FNIP2: variants seen among roughly 807,000 people sequenced by gnomAD.
The protein encoded by FNIP2 is folliculin-interacting protein 2.
In FNIP2, 32 loss-of-function variants were observed where a neutral mutation model predicts 108.7. That is an observed-to-expected ratio of 0.29 (90% CI 0.22 to 0.40). The LOEUF (loss-of-function observed/expected upper bound fraction) is 0.40. Ranked by LOEUF, FNIP2 falls within the 10% of genes least tolerant of loss-of-function variation. The pLI is 1.00. For missense variants in FNIP2, 1,202 were observed against 1,381.6 expected (o/e 0.87, Z 2.06); for synonymous variants, 480 against 496.7 (o/e 0.97, Z 0.45).
intron 7 of FNIP2, among the ~76,000 whole-genome samples, chr4:158,847,634 C>CCTTATG (rs1425994693): frequency 6.6e-6 from 1 of 152,042 alleles, no homozygotes; most frequent in African/African-American, 2.4e-5. Context: ...AGGAGAGGCC[C>CCTTATG]CTTATGCTTG....
intron 7 of FNIP2, among the ~76,000 whole-genome samples, chr4:158,846,828 C>G (rs1420730023): frequency 1.3e-5 from 2 of 152,164 alleles, no homozygotes; most frequent in African/African-American, 2.4e-5. Context: ...AAAATAACTT[C>G]ATAAAAATCA....
chr4:158,811,404 C>T (rs1176314704), intron 1 of FNIP2, among the ~76,000 whole-genome samples: 1 of 152,138 alleles, frequency 6.6e-6, no homozygotes, highest in African/African-American at 2.4e-5. Context: ...ATATGAGAAC[C>T]TAGACTTAAT....
Position 158,868,344 on chromosome 4 carries a change from A to C in FNIP2, c.1708A>C (p.Ile570Leu). ...GEVEESEYVV[I>L]TVRNEPALVP... is the part of the protein sequence containing the mutation. ...GGTGGAGGAGTCTGAGTATGTGGTC[A>C]TTACGGTGAGGAACGAGCCCGCTCT... Residue 570 changes from isoleucine to leucine, a missense_variant, in exon 13 of 17, where the codon ATT becomes CTT. By Grantham distance (5) the Ile-to-Leu change is conservative (BLOSUM62 2). This residue lies in a region of FNIP2 where 878 missense variants were observed against 990.3 expected (regional missense o/e 0.89). Coordinates refer to ENST00000264433, the MANE Select transcript of FNIP2 (RefSeq NM_020840.3). The surrounding 1 kb of genome is among the most constrained non-coding windows in gnomAD (Gnocchi z 4.6). The C allele has an allele frequency of 6.2e-7, 1 of 1,614,040 alleles. No individual in the cohort carries two copies. The highest frequency in any genetic ancestry group is 8.5e-7 in the Non-Finnish European group (1 of 1,179,898).
At chr4:158,881,220 C>T (rs1781574962) in intron 14 of FNIP2, among the ~76,000 whole-genome samples, 1 of 151,516 alleles carries the variant, frequency 6.6e-6, no homozygotes, top group Non-Finnish European at 1.5e-5. Flanking sequence ...TCTCTTTCCA[C>T]GGTCTCCCTC....
At position 158,868,663 on chromosome 4, in the gene FNIP2, A is replaced by G. The variant is rs1188651246; in HGVS notation, c.2027A>G (p.Lys676Arg). The G allele has an allele frequency of 6.2e-7, 1 of 1,614,028 alleles. No individual in the cohort carries two copies. The highest frequency in any genetic ancestry group is 1.7e-5 in the Admixed American group (1 of 60,024). Residue 676 changes from lysine to arginine, a missense_variant, in exon 13 of 17, where the codon AAG (lysine) becomes AGG (arginine). Physicochemically the swap from Lys to Arg is conservative, Grantham distance 26. Transcript: ENST00000264433. The surrounding 1 kb of genome is among the most constrained non-coding windows in gnomAD (Gnocchi z 4.6). ...PSCEVLGAGM[K>R]MDQQAVCELL... is the part of the protein sequence containing the mutation. ...TGTGAAGTTTTGGGGGCAGGAATGA[A>G]GATGGACCAGCAAGCTGTCTGTGAG...
intron 7 of FNIP2, among the ~76,000 whole-genome samples, chr4:158,840,524 T>G (rs1265550300): frequency 6.6e-6 from 1 of 152,130 alleles, no homozygotes; most frequent in Non-Finnish European, 1.5e-5. Context: ...GCCTCCCAAG[T>G]AGCTGAAATC....
In FNIP2 at chr4:158,868,440, C is replaced by T; in HGVS notation, c.1804C>T (p.Pro602Ser). 6.2e-6 allele frequency: 10 copies of T among 1,613,974 alleles called. No homozygotes were observed. Among genetic ancestry groups the T allele is most frequent in the Non-Finnish European group, 8.5e-6 (10 of 1,179,886 alleles). Reference sequence around the variant, plus strand: ...CTGGCCGACAGGGTTTCCTGAGTGCCCAGAGGGCACTGACAGTAGAGACCT... The same window carrying T: ...CTGGCCGACAGGGTTTCCTGAGTGCTCAGAGGGCACTGACAGTAGAGACCT... ...NPWPTGFPEC[P>S]EGTDSRDLGL... The change falls in exon 13 of 17, where the codon CCA becomes TCA. Residue 602 changes from proline to serine, a missense_variant. Physicochemically the swap from Pro to Ser is moderately conservative, Grantham distance 74. Around this residue, in one of 5 missense-constraint regions of FNIP2, gnomAD observed 878 missense variants for 990.3 expected, o/e 0.89. Transcript: ENST00000264433. The surrounding 1 kb of genome is among the most constrained non-coding windows in gnomAD (Gnocchi z 4.6).
At chr4:158,778,395 G>T (rs1775926503) in intron 1 of FNIP2, among the ~76,000 whole-genome samples, 1 of 152,176 alleles carries the variant, frequency 6.6e-6, no homozygotes, top group Non-Finnish European at 1.5e-5. Flanking sequence ...ATTTAAAAAA[G>T]AAGAAAGAAG....
intron 7 of FNIP2, among the ~76,000 whole-genome samples, chr4:158,845,045 T>C (rs1424648107): frequency 2.6e-5 from 4 of 152,204 alleles, no homozygotes; most frequent in African/African-American, 9.7e-5. Context: ...AGTAATCTGG[T>C]GATGGGACTA....
intron 7 of FNIP2, among the ~76,000 whole-genome samples, chr4:158,844,146 G>A (rs1779275129): frequency 6.6e-6 from 1 of 152,152 alleles, no homozygotes; most frequent in Non-Finnish European, 1.5e-5. Context: ...ACTTTTGTTT[G>A]TTCTTCTTCT....
intron 1 of FNIP2, among the ~76,000 whole-genome samples, chr4:158,801,290 T>C (rs1376967807): frequency 3.9e-5 from 6 of 152,238 alleles, no homozygotes; most frequent in Admixed American, 3.3e-4. Context: ...TCCGACAAGA[T>C]ACTTAGTCAC....
At chr4:158,856,017 A>G (rs1356334917) in intron 8 of FNIP2, among the ~76,000 whole-genome samples, 1 of 152,152 alleles carries the variant, frequency 6.6e-6, no homozygotes. Flanking sequence ...CAGTATTCAC[A>G]ATTCTTAACA....
chr4:158,819,560 A>C (rs954359796), intron 1 of FNIP2, among the ~76,000 whole-genome samples: 1 of 152,270 alleles, frequency 6.6e-6, no homozygotes, highest in East Asian at 1.9e-4. Context: ...CTGAGGCTGT[A>C]TAAGTGCAAA....
intron 1 of FNIP2, 25 bp downstream of exon 1, chr4:158,769,344 C>A: frequency 6.9e-7 from 1 of 1,449,650 alleles, no homozygotes. Context: ...GGGGGCAATT[C>A]TGGCGCGGGA....
chr4:158,865,139 C>G (rs1780509892), intron 12 of FNIP2, among the ~76,000 whole-genome samples: 1 of 152,150 alleles, frequency 6.6e-6, no homozygotes, highest in African/African-American at 2.4e-5. Context: ...TGCTTTTTCC[C>G]CATTTGCCTC....
At chr4:158,860,277 T>C (rs902623971) in intron 10 of FNIP2, among the ~76,000 whole-genome samples, 49 of 152,178 alleles carry the variant, frequency 3.2e-4, no homozygotes, top group African/African-American at 1.1e-3. Context: ...AAAGCAGTCA[T>C]GAGCGAATGA....
chr4:158,891,370 A>G, intron 14 of FNIP2, 76 bp from the exon 15 acceptor site: 4 of 1,326,702 alleles, frequency 3.0e-6, no homozygotes, highest in Non-Finnish European at 4.2e-6. Context: ...ATTTAAATGT[A>G]TTTATCAGTA....
At chr4:158,883,882 C>T (rs1006143242) in intron 14 of FNIP2, among the ~76,000 whole-genome samples, 1 of 151,066 alleles carries the variant, frequency 6.6e-6, no homozygotes, top group Admixed American at 6.6e-5. Flanking sequence ...ACTCATTGGG[C>T]TAAAAGTCGG....
chr4:158,799,979 A>G (rs1776708369), intron 1 of FNIP2, among the ~76,000 whole-genome samples: 1 of 152,126 alleles, frequency 6.6e-6, no homozygotes. Context: ...ATAGATACGC[A>G]GTGCCTTTTC....
Sources: gnomAD v4.1 joint callset for allele counts (sites outside exome capture counted in the v4.1 genomes callset) on GRCh38, gnomAD v4.1.1 for gene constraint, gnomAD v4.1.1 regional missense constraint, Gnocchi (gnomAD v3.1) non-coding constraint, MANE v1.5 for transcripts, NCBI Gene and HGNC (gene_info 2026-07-23, HGNC 2026-07-21) for gene names.